TENM4: variants seen among roughly 807,000 people sequenced by gnomAD.
TENM4 encodes teneurin transmembrane protein 4.
A neutral mutation model predicts 243.3 loss-of-function variants in TENM4; 82 were observed. That is an observed-to-expected ratio of 0.34 (90% CI 0.28 to 0.40). TENM4 has a LOEUF of 0.40. TENM4 is among the 10% of genes least tolerant of loss of function. TENM4 has a pLI of 1.00. For missense variants in TENM4, 3,138 were observed against 3,673.3 expected (o/e 0.85, Z 3.77); for synonymous variants, 1,412 against 1,456.3 (o/e 0.97, Z 0.69).
intron 6 of TENM4, among the ~76,000 whole-genome samples, chr11:78,975,907 C>G (rs189310732): frequency 1.3e-3 from 205 of 152,154 alleles, no homozygotes; most frequent in African/African-American, 4.7e-3. Flanking sequence ...CCTCATGCCC[C>G]TTGAAAGTGT....
chr11:79,406,790 T>A (rs967564067), intron 1 of TENM4, among the ~76,000 whole-genome samples: 3 of 152,090 alleles, frequency 2.0e-5, no homozygotes, highest in African/African-American at 7.2e-5. Flanking sequence ...ACTGTATTTT[T>A]AAAAAAATAT....
intron 6 of TENM4, among the ~76,000 whole-genome samples, chr11:79,010,269 C>T (rs150338354): frequency 3.9e-5 from 6 of 152,178 alleles, no homozygotes; most frequent in South Asian, 4.1e-4. Context: ...ATTAAAAATA[C>T]GGTTTCTGCT....
At chr11:78,689,115 C>T (rs564982093) in intron 28 of TENM4, among the ~76,000 whole-genome samples, 70 of 152,252 alleles carry the variant, frequency 4.6e-4, no homozygotes, top group African/African-American at 1.7e-3. Flanking sequence ...GAAATTGAGG[C>T]TTGGAAGAGT....
intron 2 of TENM4, among the ~76,000 whole-genome samples, chr11:79,235,680 C>T (rs766428201): frequency 6.6e-6 from 1 of 152,110 alleles, no homozygotes; most frequent in African/African-American, 2.4e-5. Flanking sequence ...AATACATCAA[C>T]GTATGACTAT....
chr11:79,283,213 A>AAC (rs33993080), intron 2 of TENM4, among the ~76,000 whole-genome samples: 27,018 of 135,840 alleles, frequency 0.2, 2,645 homozygotes, highest in East Asian at 0.43. Context: ...CACACACACA[A>AAC]ACACACACAC....
intron 12 of TENM4, among the ~76,000 whole-genome samples, chr11:78,844,578 T>C (rs1858342261): frequency 6.6e-6 from 1 of 150,606 alleles, no homozygotes. Context: ...GCAGGTGGAG[T>C]TTGCAGTGAA....
At chr11:79,078,799 A>G (rs1341920462) in intron 4 of TENM4, among the ~76,000 whole-genome samples, 2 of 152,330 alleles carry the variant, frequency 1.3e-5, no homozygotes, top group East Asian at 1.9e-4. Context: ...TCCCCATTTT[A>G]TCGACAAAGA....
Position 78,732,584 on chromosome 11 carries a change from G to T in TENM4, c.2877-7C>A. On this transcript the variant is annotated splice_polypyrimidine_tract_variant and splice_region_variant and intron_variant, in intron 20 of 33. Coordinates refer to ENST00000278550, the MANE Select transcript of TENM4 (RefSeq NM_001098816.3). Reference sequence around the variant, plus strand: ...ATTTGTCACCAAGTCAAAGCTGTTTGGGAGGGGAAGGTTGAGAAGGGGCGG... The same window carrying T: ...ATTTGTCACCAAGTCAAAGCTGTTTTGGAGGGGAAGGTTGAGAAGGGGCGG... The T allele has an allele frequency of 6.3e-7, 1 of 1,590,082 alleles. No homozygotes were observed. The highest frequency in any genetic ancestry group is 1.1e-5 in the South Asian group (1 of 88,458).
At chr11:79,288,809 G>A (rs1265158875) in intron 2 of TENM4, among the ~76,000 whole-genome samples, 1 of 152,100 alleles carries the variant, frequency 6.6e-6, no homozygotes, top group Non-Finnish European at 1.5e-5. Flanking sequence ...AAAACTAGGG[G>A]GAAGGAGGGA....
intron 6 of TENM4, among the ~76,000 whole-genome samples, chr11:78,997,049 G>T (rs577182791): frequency 6.6e-6 from 1 of 152,186 alleles, no homozygotes; most frequent in East Asian, 1.9e-4. Flanking sequence ...TTGTTGGGGC[G>T]GGGGTAGGGT....
In TENM4 at chr11:79,007,541, A is replaced by G. The variant is rs372275001; in HGVS notation, c.493+57197T>C. Among the ~76,000 whole-genome samples, 38 of 152,248 alleles carry G rather than the reference A, an allele frequency of 2.5e-4. No homozygotes were observed. The South Asian group carries it at 7.3e-3, about 29-fold the overall frequency. On this transcript the variant is annotated intron_variant, in intron 6 of 33. Transcript: ENST00000278550. ...TATGCAGGCAATGGACTCCTGACCC[A>G]TCCTTAGGTCTGGTCGTTGCTAAGA...
At chr11:79,285,252 T>TGA (rs577741078) in intron 2 of TENM4, among the ~76,000 whole-genome samples, 2 of 146,674 alleles carry the variant, frequency 1.4e-5, no homozygotes, top group Non-Finnish European at 3.0e-5. Flanking sequence ...AATAAATAAA[T>TGA]AAAAAAAAAG....
chr11:79,221,146 G>A (rs925444914), intron 2 of TENM4: 1 of 152,244 alleles, frequency 6.6e-6, no homozygotes, highest in African/African-American at 2.4e-5. Flanking sequence ...GGCAGCGGGG[G>A]AAGAAACGAA....
At chr11:79,194,339 G>A (rs1185427516) in intron 3 of TENM4, among the ~76,000 whole-genome samples, 1 of 151,878 alleles carries the variant, frequency 6.6e-6, no homozygotes, top group Non-Finnish European at 1.5e-5. Flanking sequence ...ACCTGAAAAT[G>A]TGGAAGCAGC....
chr11:79,340,777 T>A (rs1194773187), intron 1 of TENM4, among the ~76,000 whole-genome samples: 2 of 152,018 alleles, frequency 1.3e-5, no homozygotes, highest in Non-Finnish European at 2.9e-5. Flanking sequence ...GAAATGTGCC[T>A]CCTTAGGAAA....
At chr11:79,030,239 G>A (rs1859191554) in intron 6 of TENM4, among the ~76,000 whole-genome samples, 1 of 152,156 alleles carries the variant, frequency 6.6e-6, no homozygotes, top group Non-Finnish European at 1.5e-5. Context: ...ACACTGATGG[G>A]AGGATGTAGC....
In TENM4 at chr11:78,717,322, C is replaced by T. The variant is rs114741816; in HGVS notation, c.3821+3048G>A. On this transcript the variant is annotated intron_variant, in intron 25 of 33. Transcript: ENST00000278550. ...GCTCACTTCCTTGTGAGTGAGAATT[C>T]TCTTTGTCTCTAAGTAAGGTCTGCC... is the stretch of plus-strand genomic sequence containing the variant. 7.4e-3 allele frequency among the ~76,000 whole-genome samples: 1,127 copies of T among 152,264 alleles called. 5 individuals carry two copies. The highest frequency in any genetic ancestry group is 0.026 in the African/African-American group (1,063 of 41,550).
At chr11:78,937,877 T>C (rs1856819622) in intron 6 of TENM4, among the ~76,000 whole-genome samples, 1 of 152,206 alleles carries the variant, frequency 6.6e-6, no homozygotes, top group African/African-American at 2.4e-5. Flanking sequence ...CCTCCTCTGC[T>C]CAGCTTATTG....
chr11:79,294,287 A>G (rs878915891), intron 2 of TENM4, among the ~76,000 whole-genome samples: 1 of 152,204 alleles, frequency 6.6e-6, no homozygotes, highest in Non-Finnish European at 1.5e-5. Flanking sequence ...AATCATCCCT[A>G]AAGCCTATTT....
Sources: allele counts gnomAD v4.1 joint callset (sites outside exome capture counted in the v4.1 genomes callset), GRCh38; gene constraint gnomAD v4.1.1; transcripts MANE v1.5; gene names NCBI Gene and HGNC (gene_info 2026-07-23, HGNC 2026-07-21).